NLGN1: variants seen among roughly 807,000 people sequenced by gnomAD.
NLGN1 encodes the protein neuroligin-1.
Under a neutral mutation model 65.5 loss-of-function variants are expected in NLGN1, and 12 were observed. The observed-to-expected ratio is 0.18, with a 90% CI of 0.12 to 0.30. NLGN1 has a LOEUF of 0.30. NLGN1 is among the 10% of genes least tolerant of loss of function. The pLI is 1.00. For missense variants in NLGN1, 750 were observed against 1,007.1 expected, an observed-to-expected ratio of 0.74 and a Z score of 3.46; for synonymous variants, 350 against 359.5, an observed-to-expected ratio of 0.97 and a Z score of 0.30.
Position 174,281,602 on chromosome 3 carries a change from A to G in NLGN1, c.*299A>G, listed in dbSNP as rs1751547012. On this transcript the variant is annotated 3_prime_UTR_variant, in exon 7 of 7. Transcript: ENST00000457714. ...TGGAATTAGGCATGTGGAACACCAA[A>G]CAGGAAAGAACTATGTCTGAAATAT... is the stretch of plus-strand genomic sequence containing the variant. 1.8e-5 allele frequency: 5 copies of G among 283,466 alleles called. No individual in the cohort carries two copies. The Admixed American group carries it at 2.3e-4, about 13-fold the overall frequency. 17.6% of individuals were successfully genotyped at this position (283,466 alleles called of 1,614,324 possible).
chr3:173,584,399 A>ATTTT (rs66827074), intron 2 of NLGN1, among the ~76,000 whole-genome samples: 427 of 30,844 alleles, frequency 0.014, 43 homozygotes, highest in Admixed American at 0.017. Context: ...GGTCCTCGGC[A>ATTTT]TTTTTTTTTT....
intron 5 of NLGN1, among the ~76,000 whole-genome samples, chr3:174,276,813 A>AAAT (rs1427762698): frequency 2.0e-5 from 3 of 151,940 alleles, no homozygotes; most frequent in Non-Finnish European, 2.9e-5. Context: ...GCTTCTTTTG[A>AAAT]AATAATAAAC....
chr3:173,599,973 C>G (rs1320108076), intron 2 of NLGN1, among the ~76,000 whole-genome samples: 2 of 152,016 alleles, frequency 1.3e-5, no homozygotes, highest in Non-Finnish European at 2.9e-5. Flanking sequence ...CAGTGCAGTG[C>G]AAGATGCTTC....
intron 4 of NLGN1, among the ~76,000 whole-genome samples, chr3:174,235,888 A>G (rs780305694): frequency 2.6e-5 from 4 of 151,148 alleles, no homozygotes; most frequent in Non-Finnish European, 4.4e-5. Context: ...CACAACTCCA[A>G]TTCCCCTCAC....
intron 4 of NLGN1, among the ~76,000 whole-genome samples, chr3:173,930,599 T>C (rs1743914767): frequency 6.6e-6 from 1 of 152,158 alleles, no homozygotes; most frequent in African/African-American, 2.4e-5. Flanking sequence ...TGAGATAATC[T>C]AAGAAAGAAG....
At chr3:174,149,708 A>T (rs1400693768) in intron 4 of NLGN1, among the ~76,000 whole-genome samples, 4 of 152,148 alleles carry the variant, frequency 2.6e-5, no homozygotes, top group Admixed American at 2.6e-4. Flanking sequence ...GATCTCTAAA[A>T]ATATTTGAAG....
At chr3:173,801,540 C>T (rs1269389363) in intron 3 of NLGN1, among the ~76,000 whole-genome samples, 2 of 151,954 alleles carry the variant, frequency 1.3e-5, no homozygotes, top group African/African-American at 2.4e-5. Context: ...GCCTTATTTG[C>T]ATTGACATAT....
rs140049220 is a variant in NLGN1 at position 174,247,533 on chromosome 3, C to T, written c.647-27782C>T. 1.5e-3 allele frequency among the ~76,000 whole-genome samples: 226 copies of T among 152,340 alleles called. 1 individual carries two copies. In the Middle Eastern group the frequency reaches 0.017, roughly 11 times the overall value. ...TCTCACTCTACCTCTACACCGTATT[C>T]AGACTTCTCATCTAAATGATTTTGT... On this transcript the variant is annotated intron_variant, in intron 4 of 6. Transcript: ENST00000457714.
intron 4 of NLGN1, among the ~76,000 whole-genome samples, chr3:174,133,373 ACTC>A (rs1195488905): frequency 6.6e-6 from 1 of 150,638 alleles, no homozygotes; most frequent in African/African-American, 2.4e-5. Flanking sequence ...TTCAGAAAAA[ACTC>A]CTCCCATTTA....
chr3:174,201,062 C>T (rs1251632915), intron 4 of NLGN1, among the ~76,000 whole-genome samples: 1 of 151,892 alleles, frequency 6.6e-6, no homozygotes, highest in Non-Finnish European at 1.5e-5. Context: ...CATAATGAAA[C>T]CTCCTTTCTA....
At chr3:173,572,720 A>C (rs1744847021) in intron 2 of NLGN1, among the ~76,000 whole-genome samples, 2 of 152,306 alleles carry the variant, frequency 1.3e-5, no homozygotes, top group African/African-American at 4.8e-5. Flanking sequence ...TGAATGCAGA[A>C]TTTTGAATAG....
At chr3:173,510,248 A>G (rs1198662261) in intron 2 of NLGN1, among the ~76,000 whole-genome samples, 5 of 152,202 alleles carry the variant, frequency 3.3e-5, no homozygotes, top group Non-Finnish European at 5.9e-5. Flanking sequence ...TGGTTCCCTT[A>G]TTCAATGTGA....
intron 3 of NLGN1, among the ~76,000 whole-genome samples, chr3:173,709,681 T>A (rs1768613981): frequency 6.6e-6 from 1 of 151,360 alleles, no homozygotes; most frequent in African/African-American, 2.4e-5. Context: ...TGAGTGCCTG[T>A]AATCCCAGCT....
chr3:174,013,703 C>A (rs1452457050), intron 4 of NLGN1, among the ~76,000 whole-genome samples: 1 of 152,024 alleles, frequency 6.6e-6, no homozygotes, highest in East Asian at 1.9e-4. Flanking sequence ...GTTTTCTTTT[C>A]TTTCAGTTTT....
intron 4 of NLGN1, among the ~76,000 whole-genome samples, chr3:173,974,228 CAAA>C (rs770985861): frequency 8.6e-6 from 1 of 116,728 alleles, no homozygotes; most frequent in African/African-American, 3.2e-5. Flanking sequence ...TACTTCATTC[CAAA>C]AAAAAAAAAA....
chr3:173,666,882 A>T (rs1173720421), intron 3 of NLGN1, among the ~76,000 whole-genome samples: 5 of 152,192 alleles, frequency 3.3e-5, no homozygotes, highest in Admixed American at 6.5e-5. Flanking sequence ...CAGATCAACA[A>T]ACAGAACACT....
At chr3:174,067,477 A>G (rs546098780) in intron 4 of NLGN1, among the ~76,000 whole-genome samples, 1 of 152,322 alleles carries the variant, frequency 6.6e-6, no homozygotes, top group South Asian at 2.1e-4. Context: ...TACAAAATGC[A>G]GCTTAAACAT....
At chr3:174,127,062 T>C (rs556148567) in intron 4 of NLGN1, among the ~76,000 whole-genome samples, 2 of 152,256 alleles carry the variant, frequency 1.3e-5, no homozygotes, top group African/African-American at 4.8e-5. Flanking sequence ...AATATGATTT[T>C]ATAGGTTATG....
At chr3:174,271,627 A>AGAC (rs1052983957) in intron 4 of NLGN1, among the ~76,000 whole-genome samples, 13 of 151,728 alleles carry the variant, frequency 8.6e-5, no homozygotes, top group African/African-American at 3.1e-4. Flanking sequence ...CTAGCACTTG[A>AGAC]GACTAACTCT....
Sources: gnomAD v4.1 joint callset for allele counts (sites outside exome capture counted in the v4.1 genomes callset) on GRCh38, gnomAD v4.1.1 for gene constraint, MANE v1.5 for transcripts, NCBI Gene and HGNC (gene_info 2026-07-23, HGNC 2026-07-21) for gene names.